Variants in RADIL observed in about 807,000 individuals in gnomAD.
The protein encoded by RADIL is ras-associating and dilute domain-containing protein.
In RADIL, 99 loss-of-function variants were observed where a neutral mutation model predicts 97.6. That is an observed-to-expected ratio of 1.01 (90% confidence interval 0.86 to 1.20). RADIL has a LOEUF of 1.20. Ranked by LOEUF, RADIL falls within the 50% of genes most tolerant of loss-of-function variation. The pLI, the probability that RADIL is intolerant of heterozygous loss-of-function variation, is 0.00. For synonymous variants in RADIL, 803 were observed against 691.8 expected (o/e 1.16, Z -2.52); for missense variants, 1,765 against 1,498.9 (o/e 1.18, Z -2.93).
rs934583933 is a variant in RADIL at position 4,880,933 on chromosome 7, A to G, written c.-65+2663T>C. ...GCAACATAACAAGATCCCAATCTCT[A>G]CAGAAAATAAAAATAAAAAATTAGC... On this transcript the variant is annotated intron_variant, in intron 1 of 14. Transcript: ENST00000399583. The surrounding 1 kb of genome is among the most constrained non-coding windows in gnomAD (Gnocchi z 4.5). 6.6e-6 allele frequency among the ~76,000 whole-genome samples: 1 copy of G among 152,062 alleles called. No individual in the cohort carries two copies. Among genetic ancestry groups the G allele is most frequent in the African/African-American group, 2.4e-5 (1 of 41,408 alleles).
intron 2 of RADIL, chr7:4,861,568 A>G (rs754787607): frequency 2.1e-5 from 34 of 1,613,816 alleles, no homozygotes; most frequent in African/African-American, 2.7e-5. Context: ...TCTTGCTTTC[A>G]CTGATTTCGC....
chr7:4,875,526 G>A (rs150122515), intron 2 of RADIL, among the ~76,000 whole-genome samples: 6 of 152,202 alleles, frequency 3.9e-5, no homozygotes, highest in East Asian at 3.9e-4. Context: ...GCTCCTCCTC[G>A]CCCGGTGACA....
intron 2 of RADIL, among the ~76,000 whole-genome samples, chr7:4,875,191 CCAACAACAACAACAACAACAACAA>C (rs145735931): frequency 9.1e-6 from 1 of 110,156 alleles, no homozygotes; most frequent in African/African-American, 5.3e-5. Context: ...GACTCCATCT[CCAACAACAACAACAACAACAACAA>C]CAACAACAAC....
In RADIL at chr7:4,799,645, C is replaced by T. The variant is rs780676358; in HGVS notation, c.3107G>A (p.Gly1036Asp). 2.5e-6 allele frequency: 4 copies of T among 1,603,662 alleles called. No homozygotes were observed. The highest frequency in any genetic ancestry group is 2.7e-5 in the African/African-American group (2 of 74,846). ...ILEVNGSSLLGLGYLRAVDLI... is the reference protein window; with the variant it reads ...ILEVNGSSLLDLGYLRAVDLI... ...GTGGGGGTACCTCAGGTAGCCAAGG[C>T]CCAGGAGGCTGCTGCCATTCACCTC... Residue 1036 changes from glycine to aspartate, a missense_variant, in exon 14 of 15, where the codon GGC becomes GAC. By Grantham distance (94) the Gly-to-Asp change is moderately conservative. Transcript: ENST00000399583.
In RADIL at chr7:4,811,738, C is replaced by T. The variant is rs559391439; in HGVS notation, c.2139+3540G>A. Among the ~76,000 whole-genome samples, 9 of 152,170 alleles carry T rather than the reference C, an allele frequency of 5.9e-5. No individual in the cohort carries two copies. The South Asian group carries it at 6.2e-4, about 11-fold the overall frequency. On this transcript the variant is annotated intron_variant, in intron 9 of 14. Transcript: ENST00000399583. ...TCCTGACCTCGTGATCCACCCAACT[C>T]GGCCTCCCAAAGTGCTGGGATTACA... is the stretch of plus-strand genomic sequence containing the variant.
At chr7:4,861,571 G>T in intron 2 of RADIL, 1 of 1,613,872 alleles carries the variant, frequency 6.2e-7, no homozygotes, top group Non-Finnish European at 8.5e-7. Context: ...TGCTTTCACT[G>T]ATTTCGCGTA....
At position 4,842,709 on chromosome 7, in the gene RADIL, A is replaced by G. The variant is rs1176853078; in HGVS notation, c.536-6104T>C. Among the ~76,000 whole-genome samples the G allele has an allele frequency of 6.6e-6, 1 of 152,136 alleles. No homozygotes were observed. Among genetic ancestry groups the G allele is most frequent in the African/African-American group, 2.4e-5 (1 of 41,438 alleles). On this transcript the variant is annotated intron_variant, in intron 2 of 14. Transcript: ENST00000399583. The surrounding 1 kb of genome is among the most constrained non-coding windows in gnomAD (Gnocchi z 4.5). Reference sequence around the variant, plus strand: ...CCCTGGCTCTTGATGGTTTGGAATAATGATATATACAACTTGGAACCGTTT... The same window carrying G: ...CCCTGGCTCTTGATGGTTTGGAATAGTGATATATACAACTTGGAACCGTTT...
chr7:4,833,918 C>CGT (rs112180504), intron 4 of RADIL, among the ~76,000 whole-genome samples: 20 of 151,768 alleles, frequency 1.3e-4, no homozygotes, highest in African/African-American at 2.7e-4. Context: ...GGGTGTATTG[C>CGT]GTGTGTGTGT....
In RADIL at chr7:4,799,386, G is replaced by A. The variant is rs945819113; in HGVS notation, c.3220C>T (p.Pro1074Ser). 9 of 1,613,584 alleles carry A rather than the reference G, an allele frequency of 5.6e-6. No individual in the cohort carries two copies. In the South Asian group the frequency reaches 6.6e-5, roughly 12 times the overall value. ...TAKKIHFRTPPL is the reference protein window; with the variant it reads ...TAKKIHFRTPSL ...GTGTCCTCGCAGCCCCCCTAGAGAG[G>A]GGGCGTGCGGAAATGGATCTTCTTG... is the stretch of plus-strand genomic sequence containing the variant. The change falls in exon 15 of 15, where the codon CCT becomes TCT. Residue 1074 changes from proline to serine, a missense_variant. Physicochemically the swap from Pro to Ser is moderately conservative, Grantham distance 74. Coordinates refer to ENST00000399583, the MANE Select transcript of RADIL (RefSeq NM_018059.5).
chr7:4,842,449 C>T lies in RADIL; in HGVS notation c.536-5844G>A, dbSNP rs1040976323. ...AGCCACACGGCTTTGTCTAGGCCAC[C>T]CCCCTCCCCTCCTCGAGAAGGCAGT... is the stretch of plus-strand genomic sequence containing the variant. On this transcript the variant is annotated intron_variant, in intron 2 of 14. Transcript: ENST00000399583. The surrounding 1 kb of genome is among the most constrained non-coding windows in gnomAD (Gnocchi z 4.5). Among the ~76,000 whole-genome samples the T allele has an allele frequency of 2.3e-4, 35 of 152,272 alleles. No homozygotes were observed. Among genetic ancestry groups the T allele is most frequent in the South Asian group, 6.2e-4 (3 of 4,812 alleles).
rs754714822 is a variant in RADIL, at chr7:4,819,054, TTCTCTC to T, written c.1616-1709_1616-1704del. 2.8e-5 allele frequency among the ~76,000 whole-genome samples: 4 copies of T among 145,122 alleles called. No homozygotes were observed. The highest frequency in any genetic ancestry group is 2.2e-4 in the South Asian group (1 of 4,648). On this transcript the variant is annotated intron_variant, in intron 6 of 14. Transcript: ENST00000399583. This position sits in a 1 kb window ranked among gnomAD's most constrained non-coding sequence, Gnocchi z 5.8. ...CCTGCACCCGGCCCTGAGACTCCAT[TTCTCTC>T]TCTCTCTCTCTCTTTTTTTTTTTTT...
intron 9 of RADIL, chr7:4,809,218 C>T (rs1782462626): frequency 1.0e-6 from 1 of 985,188 alleles, no homozygotes; most frequent in South Asian, 4.7e-5. Flanking sequence ...CTCGGGCCTG[C>T]CCATCTCCCG....
At position 4,840,289 on chromosome 7, in the gene RADIL, C is replaced by T. The variant is rs958055462; in HGVS notation, c.536-3684G>A. On this transcript the variant is annotated intron_variant, in intron 2 of 14. Coordinates refer to ENST00000399583, the MANE Select transcript of RADIL (RefSeq NM_018059.5). This position sits in a 1 kb window ranked among gnomAD's most constrained non-coding sequence, Gnocchi z 5.6. ...GATACAGCTTCGTCACCTGAGTCAC[C>T]TGAGCGTCTCAGCTCTGTGCAGACC... 6.6e-6 allele frequency among the ~76,000 whole-genome samples: 1 copy of T among 152,268 alleles called. No homozygotes were observed. Among genetic ancestry groups the T allele is most frequent in the East Asian group, 1.9e-4 (1 of 5,160 alleles).
Position 4,803,583 on chromosome 7 carries a change from C to T in RADIL, c.2462G>A (p.Arg821Lys). ...TGGCTGGGAGGCCCCACTGCCAGGCCTGCCAGGGCTGCCGGGGCTGGCTCT... is the reference window on the plus strand; with the variant it reads ...TGGCTGGGAGGCCCCACTGCCAGGCTTGCCAGGGCTGCCGGGGCTGGCTCT... The part of the protein sequence containing the change: ...RSRASPGSPG[R>K]PGSGASQPVC... The change falls in exon 11 of 15, where the codon AGG becomes AAG. Residue 821 changes from arginine to lysine, a missense_variant. By Grantham distance (26) the Arg-to-Lys change is conservative. Transcript: ENST00000399583. 4.6e-6 allele frequency: 7 copies of T among 1,530,732 alleles called. No homozygotes were observed. Among genetic ancestry groups the T allele is most frequent in the South Asian group, 1.2e-5 (1 of 83,720 alleles). 94.8% of individuals were successfully genotyped at this position (1,530,732 alleles called of 1,614,324 possible). A position where few individuals can be genotyped will look rare whatever the true frequency, so the allele number is the denominator to read the frequency against.
At chr7:4,839,846 G>A (rs1045905746) in intron 2 of RADIL, among the ~76,000 whole-genome samples, 5 of 152,102 alleles carry the variant, frequency 3.3e-5, no homozygotes, top group South Asian at 2.1e-4. Flanking sequence ...TCCTGGGTTC[G>A]AGTGATTTTC....
chr7:4,854,862 C>A lies in RADIL; in HGVS notation c.536-18257G>T, dbSNP rs991193133. Among the ~76,000 whole-genome samples, 36 of 152,180 alleles carry A rather than the reference C, an allele frequency of 2.4e-4. No individual in the cohort carries two copies. Among genetic ancestry groups the A allele is most frequent in the African/African-American group, 8.7e-4 (36 of 41,434 alleles). On this transcript the variant is annotated intron_variant, in intron 2 of 14. Coordinates refer to ENST00000399583, the MANE Select transcript of RADIL (RefSeq NM_018059.5). This position sits in a 1 kb window ranked among gnomAD's most constrained non-coding sequence, Gnocchi z 5.1. ...CACTAGTTCCAGAGTCACATCAACC[C>A]TCCCAAGCACATCTTCCTGCCTGTC...
Position 4,815,281 on chromosome 7 carries a change from G to A in RADIL, c.2136C>T (p.Ile712=). The A allele has an allele frequency of 6.4e-7, 1 of 1,555,360 alleles. No homozygotes were observed. The highest frequency in any genetic ancestry group is 1.4e-5 in the African/African-American group (1 of 73,620). ...CGCCTCCCATGCGCACCCCTACCTG[G>A]ATGAGCTGGGCCCTGGGTGTGGCCA... ...NLLATPRAQL[I]QMSWTALRAA... The change falls in exon 9 of 15, where the codon ATC becomes ATT. Residue 712 remains isoleucine (I), a synonymous_variant. Transcript: ENST00000399583. This position sits in a 1 kb window ranked among gnomAD's most constrained non-coding sequence, Gnocchi z 8.0.
In RADIL at chr7:4,819,450, G is replaced by A. The variant is rs1782769517; in HGVS notation, c.1616-2099C>T. 6.6e-6 allele frequency among the ~76,000 whole-genome samples: 1 copy of A among 152,010 alleles called. No individual in the cohort carries two copies. The highest frequency in any genetic ancestry group is 2.1e-4 in the South Asian group (1 of 4,816). ...ATTTCTGAGGATTTCCGACGCCCACGAGCCATTAAGAGGACACACCAGCCG... is the reference window on the plus strand; with the variant it reads ...ATTTCTGAGGATTTCCGACGCCCACAAGCCATTAAGAGGACACACCAGCCG... On this transcript the variant is annotated intron_variant, in intron 6 of 14. Transcript: ENST00000399583. The surrounding 1 kb of genome is among the most constrained non-coding windows in gnomAD (Gnocchi z 5.8).
intron 12 of RADIL, among the ~76,000 whole-genome samples, chr7:4,801,065 TGCCCATGCACACGTGCACTTAC>T (rs1315182320): frequency 2.0e-5 from 3 of 152,294 alleles, no homozygotes; most frequent in Middle Eastern, 3.4e-3. Flanking sequence ...TGTGCAAGCA[TGCCCATGCACACGTGCACTTAC>T]ACCCATGCAC....
Sources: allele counts gnomAD v4.1 joint callset (sites outside exome capture counted in the v4.1 genomes callset), GRCh38; gene constraint gnomAD v4.1.1; non-coding constraint Gnocchi (gnomAD v3.1); transcripts MANE v1.5; gene names NCBI Gene and HGNC (gene_info 2026-07-23, HGNC 2026-07-21).